TRAPPC11: variants seen among roughly 807,000 people sequenced by gnomAD.
TRAPPC11 encodes the protein trafficking protein particle complex subunit 11.
In TRAPPC11, 104 loss-of-function variants were observed where a neutral mutation model predicts 151.2. That is an observed-to-expected ratio of 0.69 (90% CI 0.59 to 0.81). The LOEUF (loss-of-function observed/expected upper bound fraction) is 0.81, where lower values mean the gene tolerates loss of function less well. TRAPPC11 is among the 30% of genes least tolerant of loss of function. The probability of loss-of-function intolerance (pLI) is 0.00; values close to 1 mark genes in which losing one functional copy is unlikely to be tolerated. For missense variants in TRAPPC11, 1,230 were observed against 1,349.6 expected (o/e 0.91, Z 1.39); for synonymous variants, 456 against 472.3 (o/e 0.97, Z 0.45).
intron 29 of TRAPPC11, among the ~76,000 whole-genome samples, chr4:183,711,839 T>G (rs1337559585): frequency 6.6e-6 from 1 of 152,238 alleles, no homozygotes; most frequent in Non-Finnish European, 1.5e-5. Context: ...CTATTGTATA[T>G]CTGTATAATA....
Position 183,667,081 on chromosome 4 carries a change from C to A in TRAPPC11, c.396C>A (p.Asn132Lys). The A allele has an allele frequency of 6.3e-7, 1 of 1,599,032 alleles. No homozygotes were observed. The highest frequency in any genetic ancestry group is 8.5e-7 in the Non-Finnish European group (1 of 1,170,298). The change falls in exon 4 of 30, where the codon AAC becomes AAA. Residue 132 changes from asparagine to lysine, a missense_variant. Transcript: ENST00000334690. ...EIVRQSLQGRNTKVAVVLIQK... is the reference protein window; with the variant it reads ...EIVRQSLQGRKTKVAVVLIQK... Reference sequence around the variant, plus strand: ...GCAGGCAAAGTTTACAAGGAAGAAACACAAAAGTTGCAGTGGTTCTGATTC... The same window carrying A: ...GCAGGCAAAGTTTACAAGGAAGAAAAACAAAAGTTGCAGTGGTTCTGATTC...
intron 26 of TRAPPC11, among the ~76,000 whole-genome samples, chr4:183,704,133 A>C (rs1374414285): frequency 1.3e-5 from 2 of 152,216 alleles, no homozygotes; most frequent in Admixed American, 1.3e-4. Flanking sequence ...CACTGGTAAC[A>C]TGCAGCAGCC....
At chr4:183,699,500 A>G (rs1174637459) in intron 25 of TRAPPC11, among the ~76,000 whole-genome samples, 1 of 152,198 alleles carries the variant, frequency 6.6e-6, no homozygotes, top group Non-Finnish European at 1.5e-5. Flanking sequence ...GCATCATAGT[A>G]CTTAGCTAAT....
chr4:183,662,272 C>T (rs1026640886), intron 1 of TRAPPC11, among the ~76,000 whole-genome samples: 1 of 147,796 alleles, frequency 6.8e-6, no homozygotes, highest in Non-Finnish European at 1.5e-5. Context: ...AGGGGAATCA[C>T]TTGAACCCGG....
chr4:183,681,927 G>T (rs1311740663), intron 10 of TRAPPC11, among the ~76,000 whole-genome samples: 2 of 152,116 alleles, frequency 1.3e-5, no homozygotes, highest in Non-Finnish European at 2.9e-5. Context: ...TTATAAAGTT[G>T]TTCTCACAGA....
chr4:183,689,108 A>G (rs2111054307), intron 18 of TRAPPC11, among the ~76,000 whole-genome samples: 1 of 152,304 alleles, frequency 6.6e-6, no homozygotes, highest in East Asian at 1.9e-4. Context: ...TTATTCTAGT[A>G]GCAAAATAGA....
At chr4:183,670,875 C>T (rs998729416) in intron 5 of TRAPPC11, among the ~76,000 whole-genome samples, 1 of 152,080 alleles carries the variant, frequency 6.6e-6, no homozygotes, top group African/African-American at 2.4e-5. Context: ...AACCTCTGCC[C>T]CCCAGATTCA....
chr4:183,693,755 T>C lies in TRAPPC11; in HGVS notation c.2386+18T>C, dbSNP rs772467460. 1 of 1,611,950 alleles carries C rather than the reference T, an allele frequency of 6.2e-7. No homozygotes were observed. Among genetic ancestry groups the C allele is most frequent in the South Asian group, 1.1e-5 (1 of 90,578 alleles). On this transcript the variant is annotated intron_variant, in intron 21 of 29. Transcript: ENST00000334690. ...AAAACCAGGTAAGCATTCCTTTTTGTAAGTTTGATCAGTATTAATCCAACA... is the reference window on the plus strand; with the variant it reads ...AAAACCAGGTAAGCATTCCTTTTTGCAAGTTTGATCAGTATTAATCCAACA...
intron 27 of TRAPPC11, chr4:183,706,098 A>ACACCCC (rs1554011948): frequency 6.7e-6 from 1 of 149,910 alleles, no homozygotes; most frequent in African/African-American, 2.5e-5. Flanking sequence ...ACACACACAC[A>ACACCCC]CCCACCAAAC....
rs1488219537 is a variant in TRAPPC11 at position 183,713,417 on chromosome 4, CTATT to C, written c.*776_*779del. On this transcript the variant is annotated 3_prime_UTR_variant, in exon 30 of 30. Coordinates refer to ENST00000334690, the MANE Select transcript of TRAPPC11 (RefSeq NM_021942.6). ...GTTATATTGTGCAGTTTCAAAAGAA[CTATT>C]TAAAACTCTTGAAAACTCATGTAAA... 2.0e-5 allele frequency: 3 copies of C among 152,544 alleles called. No homozygotes were observed. Among genetic ancestry groups the C allele is most frequent in the Admixed American group, 1.3e-4 (2 of 15,270 alleles). 9.4% of individuals were successfully genotyped at this position (152,544 alleles called of 1,614,324 possible). A position where few individuals can be genotyped will look rare whatever the true frequency, so the allele number is the denominator to read the frequency against.
At chr4:183,691,191 C>G in intron 18 of TRAPPC11, 125 bp from the exon 19 acceptor site, 1 of 706,554 alleles carries the variant, frequency 1.4e-6, no homozygotes, top group Non-Finnish European at 2.1e-6. Context: ...AAAATACTTC[C>G]TTTTATTAGT....
chr4:183,683,181 T>G (rs1735786411), intron 11 of TRAPPC11, among the ~76,000 whole-genome samples: 1 of 151,040 alleles, frequency 6.6e-6, no homozygotes, highest in African/African-American at 2.4e-5. Flanking sequence ...ATACAACATT[T>G]GGACATCTGT....
At chr4:183,675,326 T>C in intron 7 of TRAPPC11, 89 bp downstream of exon 7, 1 of 766,976 alleles carries the variant, frequency 1.3e-6, no homozygotes, top group Non-Finnish European at 2.0e-6. Flanking sequence ...CAAAGTATAA[T>C]TAAGTTTAAA....
intron 29 of TRAPPC11, among the ~76,000 whole-genome samples, chr4:183,711,267 T>C (rs1475922380): frequency 1.3e-5 from 2 of 152,170 alleles, no homozygotes; most frequent in East Asian, 1.9e-4. Context: ...CATGTGACTA[T>C]TGAGATTCAG....
intron 22 of TRAPPC11, 51 bp from the exon 23 acceptor site, chr4:183,694,553 A>G: frequency 6.5e-7 from 1 of 1,545,496 alleles, no homozygotes; most frequent in Non-Finnish European, 8.8e-7. Context: ...ATATATATCA[A>G]GAAGAAATGT....
chr4:183,665,385 T>A lies in TRAPPC11; in HGVS notation c.205-872T>A, dbSNP rs191952356. Among the ~76,000 whole-genome samples, 23 of 152,202 alleles carry A rather than the reference T, an allele frequency of 1.5e-4. 3 individuals are homozygous for A. The highest frequency in any genetic ancestry group is 1.4e-3 in the Admixed American group (22 of 15,280). On this transcript the variant is annotated intron_variant, in intron 2 of 29. Transcript: ENST00000334690. ...CTGGGATTACAGGCGTGAGCCACCG[T>A]GCCAGGCCTACATGATTATTTTTCT...
At chr4:183,704,445 C>G (rs1318785942) in intron 26 of TRAPPC11, among the ~76,000 whole-genome samples, 2 of 141,904 alleles carry the variant, frequency 1.4e-5, no homozygotes, top group South Asian at 2.2e-4. Flanking sequence ...CACTTGAACC[C>G]AGGAGGTGGA....
intron 23 of TRAPPC11, among the ~76,000 whole-genome samples, chr4:183,694,926 A>T (rs573459286): frequency 5.3e-5 from 8 of 150,932 alleles, no homozygotes; most frequent in Non-Finnish European, 7.4e-5. Flanking sequence ...TAAACAGAAA[A>T]TTAGCTTATA....
intron 18 of TRAPPC11, among the ~76,000 whole-genome samples, chr4:183,688,304 G>A (rs10019182): frequency 0.5 from 75,895 of 151,834 alleles, 19,436 homozygotes; most frequent in African/African-American, 0.61. Flanking sequence ...ATGAAATTAC[G>A]ATAGGTCGAA....
Sources: gnomAD v4.1 joint callset for allele counts (sites outside exome capture counted in the v4.1 genomes callset) on GRCh38, gnomAD v4.1.1 for gene constraint, MANE v1.5 for transcripts, NCBI Gene and HGNC (gene_info 2026-07-23, HGNC 2026-07-21) for gene names.